The following NF1 variants were observed in gnomAD, a reference collection of about 807,000 sequenced individuals.
NF1 encodes neurofibromin.
Under a neutral mutation model 325.7 loss-of-function variants are expected in NF1, and 122 were observed. The observed-to-expected ratio is 0.37, with a 90% CI of 0.32 to 0.44. The LOEUF (loss-of-function observed/expected upper bound fraction) is 0.44, where lower values mean the gene tolerates loss of function less well. Among genes scored for constraint, NF1 ranks in the 20% least tolerant of loss-of-function variants. The probability of loss-of-function intolerance (pLI) is 1.00; values close to 1 mark genes in which losing one functional copy is unlikely to be tolerated. For synonymous variants in NF1, 1,091 were observed against 1,186.0 expected (o/e 0.92, Z 1.65); for missense variants, 2,140 against 3,415.4 (o/e 0.63, Z 9.31).
intron 29 of NF1, among the ~76,000 whole-genome samples, chr17:31,243,187 T>G (rs1312323715): frequency 2.1e-5 from 3 of 141,044 alleles, no homozygotes; most frequent in Non-Finnish European, 3.0e-5. Flanking sequence ...TCTCTGTCTG[T>G]GTGTGTGTGT....
At chr17:31,256,820 G>A (rs2067590953) in intron 31 of NF1, among the ~76,000 whole-genome samples, 1 of 152,126 alleles carries the variant, frequency 6.6e-6, no homozygotes, top group Non-Finnish European at 1.5e-5. Flanking sequence ...TGTTCTTCAT[G>A]CAATAAACAC....
chr17:31,206,429 T>A, intron 12 of NF1, 58 bp downstream of exon 12: 1 of 1,600,592 alleles, frequency 6.2e-7, no homozygotes, highest in Non-Finnish European at 8.6e-7. Context: ...TTTTTTAGTG[T>A]CTTTATCCTA....
At chr17:31,239,553 G>GT (rs912288594) in intron 29 of NF1, among the ~76,000 whole-genome samples, 1 of 150,442 alleles carries the variant, frequency 6.6e-6, no homozygotes, top group Admixed American at 6.6e-5. Context: ...AGCAAGATGG[G>GT]GGGAGGAATC....
Position 31,166,555 on chromosome 17 carries a change from C to T in NF1, c.479+3179C>T, listed in dbSNP as rs113633555. On this transcript the variant is annotated intron_variant, in intron 4 of 57. Transcript: ENST00000358273. Reference sequence around the variant, plus strand: ...TTTTTTCTTAATTTCTCAGTCCCAGCCTGTATGGGCAGTATAAATTTGAAC... The same window carrying T: ...TTTTTTCTTAATTTCTCAGTCCCAGTCTGTATGGGCAGTATAAATTTGAAC... Among the ~76,000 whole-genome samples, 1,428 of 152,234 alleles carry T rather than the reference C, an allele frequency of 9.4e-3. 28 individuals are homozygous for T. The highest frequency in any genetic ancestry group is 0.033 in the African/African-American group (1,360 of 41,512).
rs150965939 is a variant in NF1 at position 31,288,882 on chromosome 17, C to G, written c.4835+23543C>G. Among the ~76,000 whole-genome samples, 656 of 152,158 alleles carry G rather than the reference C, an allele frequency of 4.3e-3. 5 individuals carry two copies. Among genetic ancestry groups the G allele is most frequent in the African/African-American group, 0.015 (635 of 41,530 alleles). ...TAGCCTAGCCAAATCCTCCCTCATT[C>G]TTAACTTTTCTTTGATCTTTCTTTT... is the stretch of plus-strand genomic sequence containing the variant. On this transcript the variant is annotated intron_variant, in intron 36 of 57. Transcript: ENST00000358273.
chr17:31,160,087 A>G (rs1241396724), intron 3 of NF1, among the ~76,000 whole-genome samples: 1 of 152,104 alleles, frequency 6.6e-6, no homozygotes, highest in Non-Finnish European at 1.5e-5. Flanking sequence ...CATAATATGT[A>G]TATATATTTT....
chr17:31,191,740 TAAAAG>T (rs2066345990), intron 8 of NF1, among the ~76,000 whole-genome samples: 1 of 152,138 alleles, frequency 6.6e-6, no homozygotes, highest in African/African-American at 2.4e-5. Flanking sequence ...ATAAGTGATA[TAAAAG>T]AAAAAAGTAT....
chr17:31,350,638 A>G (rs1169407369), intron 50 of NF1, among the ~76,000 whole-genome samples: 1 of 152,224 alleles, frequency 6.6e-6, no homozygotes, highest in African/African-American at 2.4e-5. Context: ...AACGCGAAAT[A>G]TAAACAACAC....
At position 31,350,249 on chromosome 17, in the gene NF1, T is replaced by A. The variant is rs2151574447; in HGVS notation, c.7388T>A (p.Leu2463His). Residue 2463 changes from leucine (L) to histidine (H), a missense_variant, in exon 50 of 58, where the codon CTT (leucine) becomes CAT (histidine). Physicochemically the swap from Leu to His is moderately conservative, Grantham distance 99. Around this residue, in one of 10 missense-constraint regions of NF1, gnomAD observed 522 missense variants for 749.0 expected, o/e 0.70. Coordinates refer to ENST00000358273, the MANE Select transcript of NF1 (RefSeq NM_001042492.3). ...CTAAAACATAGAAAGTCACTTCTTCTTACTGATATTTCAATGGAAAATGTT... is the reference window on the plus strand; with the variant it reads ...CTAAAACATAGAAAGTCACTTCTTCATACTGATATTTCAATGGAAAATGTT... ...CSLKHRKSLLLTDISMENVPM... is the reference protein window; with the variant it reads ...CSLKHRKSLLHTDISMENVPM... 1.2e-6 allele frequency: 2 copies of A among 1,613,670 alleles called. No individual in the cohort carries two copies. The highest frequency in any genetic ancestry group is 1.7e-6 in the Non-Finnish European group (2 of 1,179,586).
At chr17:31,226,876 G>A (rs555078710) in intron 18 of NF1, among the ~76,000 whole-genome samples, 192 bp downstream of exon 18, 1 of 152,306 alleles carries the variant, frequency 6.6e-6, no homozygotes, top group African/African-American at 2.4e-5. Flanking sequence ...CTTCCACTGA[G>A]TTGTTAATAT....
intron 4 of NF1, among the ~76,000 whole-genome samples, chr17:31,165,616 C>CT (rs2065832988): frequency 6.6e-6 from 1 of 152,156 alleles, no homozygotes; most frequent in African/African-American, 2.4e-5. Flanking sequence ...GTCAATGTTT[C>CT]TCCTTTAAGA....
chr17:31,286,235 C>T (rs2068224326), intron 36 of NF1, among the ~76,000 whole-genome samples: 1 of 152,108 alleles, frequency 6.6e-6, no homozygotes, highest in African/African-American at 2.4e-5. Context: ...GCTGGGATTA[C>T]AGGTGTGCAC....
At chr17:31,367,156 G>A in intron 57 of NF1, 3 of 921,708 alleles carry the variant, frequency 3.3e-6, no homozygotes, top group Non-Finnish European at 4.6e-6. Flanking sequence ...GTATCTAATT[G>A]TATTTCACCC....
chr17:31,220,413 A>G (rs923591722), intron 14 of NF1, among the ~76,000 whole-genome samples: 1 of 152,126 alleles, frequency 6.6e-6, no homozygotes, highest in Non-Finnish European at 1.5e-5. Context: ...CAAACATTTC[A>G]TTTTTTTATG....
chr17:31,320,552 C>T (rs2151530219), intron 36 of NF1: 9 of 824,140 alleles, frequency 1.1e-5, no homozygotes, highest in African/African-American at 3.4e-5. Flanking sequence ...AAATGTGATA[C>T]GTTGAGTTAT....
rs570168235 is a variant in NF1, at chr17:31,265,083, A to G, written c.4725-146A>G. On this transcript the variant is annotated intron_variant, in intron 35 of 57. Coordinates refer to ENST00000358273, the MANE Select transcript of NF1 (RefSeq NM_001042492.3). ...AGTAATACCTTGAAATTTTTGGTGC[A>G]TGTTGCCAAATTACCCTTTAGAATG... 5 of 590,444 alleles carry G rather than the reference A, an allele frequency of 8.5e-6. 1 individual carries two copies. The highest frequency in any genetic ancestry group is 5.8e-5 in the South Asian group (3 of 51,474). The allele number at this position is 590,444 out of a possible 1,614,324, so 36.6% of individuals were successfully genotyped here.
intron 13 of NF1, among the ~76,000 whole-genome samples, chr17:31,218,578 T>G (rs1375101076): frequency 6.6e-6 from 1 of 151,782 alleles, no homozygotes; most frequent in Non-Finnish European, 1.5e-5. Flanking sequence ...TTTTTTCTTT[T>G]TTTCTTTTTT....
At chr17:31,242,808 C>T (rs940345098) in intron 29 of NF1, among the ~76,000 whole-genome samples, 1 of 152,072 alleles carries the variant, frequency 6.6e-6, no homozygotes, top group African/African-American at 2.4e-5. Context: ...TCTTTAATTC[C>T]TTCGGTGGGT....
At chr17:31,349,417 T>A (rs1426551572) in intron 49 of NF1, among the ~76,000 whole-genome samples, 166 bp downstream of exon 49, 1 of 152,154 alleles carries the variant, frequency 6.6e-6, no homozygotes, top group African/African-American at 2.4e-5. Flanking sequence ...GCCAGAACAT[T>A]TTTCTGTAGG....
Sources: gnomAD v4.1 joint callset for allele counts (sites outside exome capture counted in the v4.1 genomes callset) on GRCh38, gnomAD v4.1.1 for gene constraint, gnomAD v4.1.1 regional missense constraint, MANE v1.5 for transcripts, NCBI Gene and HGNC (gene_info 2026-07-23, HGNC 2026-07-21) for gene names.